Variants in MCUR1 observed in about 807,000 individuals in gnomAD.
MCUR1 encodes the protein MCU regulator 1.
Under a neutral mutation model 42.0 loss-of-function variants are expected in MCUR1, and 37 were observed. The ratio of observed to expected loss-of-function variants is 0.88; its 90% CI spans 0.68 to 1.16. The LOEUF (loss-of-function observed/expected upper bound fraction) is 1.16. MCUR1 is among the 50% of genes most tolerant of loss of function. The probability of loss-of-function intolerance (pLI) is 0.00; values close to 1 mark genes in which losing one functional copy is unlikely to be tolerated. For synonymous variants in MCUR1, 229 were observed against 196.2 expected (o/e 1.17, Z -1.40); for missense variants, 469 against 468.4 (o/e 1.00, Z -0.01).
At chr6:13,809,083 C>T (rs1760173865) in intron 1 of MCUR1, among the ~76,000 whole-genome samples, 1 of 152,072 alleles carries the variant, frequency 6.6e-6, no homozygotes, top group Non-Finnish European at 1.5e-5. Context: ...GATTGTTTAG[C>T]TATTCTTGTT....
At chr6:13,812,577 C>T (rs1199173891) in intron 1 of MCUR1, among the ~76,000 whole-genome samples, 2 of 152,162 alleles carry the variant, frequency 1.3e-5, no homozygotes, top group Non-Finnish European at 2.9e-5. Context: ...AACTCATCTC[C>T]GACTCCTAAT....
chr6:13,789,886 T>C lies in MCUR1; in HGVS notation c.*923A>G, dbSNP rs1759690849. ...GTAAGAGTCCCCATTACAATTGCAATGCTTCTTTAGACAGCTGATTTTTCT... is the reference window on the plus strand; with the variant it reads ...GTAAGAGTCCCCATTACAATTGCAACGCTTCTTTAGACAGCTGATTTTTCT... On this transcript the variant is annotated 3_prime_UTR_variant, in exon 9 of 9. Coordinates refer to ENST00000379170, the MANE Select transcript of MCUR1 (RefSeq NM_001031713.4). The C allele has an allele frequency of 6.6e-6, 1 of 152,166 alleles. No individual in the cohort carries two copies. The highest frequency in any genetic ancestry group is 1.5e-5 in the Non-Finnish European group (1 of 68,038). 9.4% of individuals were successfully genotyped at this position (152,166 alleles called of 1,614,324 possible).
At chr6:13,803,357 G>C (rs1760035848) in intron 2 of MCUR1, among the ~76,000 whole-genome samples, 1 of 152,120 alleles carries the variant, frequency 6.6e-6, no homozygotes, top group Non-Finnish European at 1.5e-5. Context: ...CACCACGCCT[G>C]GCCAGTACTT....
chr6:13,800,062 C>CCA (rs1373488029), intron 5 of MCUR1, among the ~76,000 whole-genome samples: 2 of 151,766 alleles, frequency 1.3e-5, no homozygotes, highest in East Asian at 1.9e-4. Context: ...AACTCCTGAC[C>CCA]TCAGGTGATC....
chr6:13,807,090 C>G (rs752838103), intron 1 of MCUR1, 46 bp from the exon 2 acceptor site: 2 of 1,551,472 alleles, frequency 1.3e-6, no homozygotes, highest in Non-Finnish European at 1.7e-6. Context: ...TCATGCAAAA[C>G]AAAAGCAACT....
intron 1 of MCUR1, among the ~76,000 whole-genome samples, chr6:13,811,355 G>C (rs899677364): frequency 6.6e-6 from 1 of 151,522 alleles, no homozygotes; most frequent in South Asian, 2.1e-4. Context: ...TTTTTTTTTG[G>C]TAATTGAACT....
rs1306248347 is a variant in MCUR1, at chr6:13,814,146, G to T, written c.284C>A (p.Ser95Ter). The T allele has an allele frequency of 1.5e-5, 19 of 1,307,746 alleles. No homozygotes were observed. The highest frequency in any genetic ancestry group is 1.7e-5 in the Non-Finnish European group (18 of 1,034,310). 81.0% of individuals were successfully genotyped at this position (1,307,746 alleles called of 1,614,324 possible). ...CGGGGGTGCGGCATACCCGAGGCGC[G>T]AGCGCTCCCAGTCCCCGAGCTGCCG... ...PRRQLGDWER[S>*]RLGYAAPPAG... Residue 95 changes from serine (S) to a stop codon, truncating the protein, a stop_gained, in exon 1 of 9, where the codon TCG becomes TAG. Transcript: ENST00000379170. LOFTEE classifies it high-confidence loss of function.
intron 3 of MCUR1, 21 bp downstream of exon 3, chr6:13,802,222 A>G (rs1760005368): frequency 6.2e-7 from 1 of 1,603,232 alleles, no homozygotes; most frequent in Non-Finnish European, 8.5e-7. Flanking sequence ...CTAATTTGCT[A>G]AACCACCCAA....
intron 1 of MCUR1, among the ~76,000 whole-genome samples, chr6:13,810,890 A>T (rs1204150573): frequency 1.3e-5 from 2 of 152,248 alleles, no homozygotes. Context: ...CTATGACAGG[A>T]GGTCCTTGAC....
chr6:13,803,789 G>C, intron 2 of MCUR1: 9 of 985,264 alleles, frequency 9.1e-6, no homozygotes, highest in Non-Finnish European at 9.6e-6. Context: ...TGTCTTCCTA[G>C]TTTTTAAAAA....
Position 13,802,309 on chromosome 6 carries a change from T to C in MCUR1, c.573A>G (p.Ala191=). The C allele has an allele frequency of 6.2e-7, 1 of 1,613,854 alleles. No homozygotes were observed. The highest frequency in any genetic ancestry group is 8.5e-7 in the Non-Finnish European group (1 of 1,179,830). The part of the protein sequence containing the change: ...ATQQAEIIVS[A]LVKILEANMD... ...TGTTGGCCTCCAGGATCTTGACCAA[T>C]GCAGACACAATGATTTCTGCTTGTT... is the stretch of plus-strand genomic sequence containing the variant. Residue 191 remains alanine, a synonymous_variant, in exon 3 of 9, where the codon GCA becomes GCG. Coordinates refer to ENST00000379170, the MANE Select transcript of MCUR1 (RefSeq NM_001031713.4).
rs1207380036 is a variant in MCUR1 at position 13,789,442 on chromosome 6, CCA to C, written c.*1365_*1366del. 1 of 151,802 alleles carries C rather than the reference CCA, an allele frequency of 6.6e-6. No individual in the cohort carries two copies. Among genetic ancestry groups the C allele is most frequent in the African/African-American group, 2.4e-5 (1 of 41,344 alleles). 9.4% of individuals were successfully genotyped at this position (151,802 alleles called of 1,614,324 possible). Reference sequence around the variant, plus strand: ...GAGAATGTGCTTTTCCAGAATAACCCCAGTTGTATCTAGAATTTGTTTTCAAT... The same window carrying C: ...GAGAATGTGCTTTTCCAGAATAACCCGTTGTATCTAGAATTTGTTTTCAAT... On this transcript the variant is annotated 3_prime_UTR_variant, in exon 9 of 9. Coordinates refer to ENST00000379170, the MANE Select transcript of MCUR1 (RefSeq NM_001031713.4).
chr6:13,813,085 T>C (rs1219898637), intron 1 of MCUR1, among the ~76,000 whole-genome samples: 1 of 152,226 alleles, frequency 6.6e-6, no homozygotes, highest in Non-Finnish European at 1.5e-5. Flanking sequence ...TAGTATTCAG[T>C]ACGGTAACAT....
chr6:13,802,356 C>G lies in MCUR1; in HGVS notation c.536-10G>C. On this transcript the variant is annotated splice_polypyrimidine_tract_variant and intron_variant, in intron 2 of 8. Transcript: ENST00000379170. ...TGTTGAGTAGCAAACCCTAAGCAAG[C>G]ACACAAGCAAAAAAAATCATGCTCA... 1 of 1,606,826 alleles carries G rather than the reference C, an allele frequency of 6.2e-7. No homozygotes were observed. Among genetic ancestry groups the G allele is most frequent in the Non-Finnish European group, 8.5e-7 (1 of 1,175,310 alleles).
Position 13,791,978 on chromosome 6 carries a change from A to T in MCUR1, c.924T>A (p.Asp308Glu). 6.2e-7 allele frequency: 1 copy of T among 1,613,904 alleles called. No individual in the cohort carries two copies. Among genetic ancestry groups the T allele is most frequent in the Non-Finnish European group, 8.5e-7 (1 of 1,179,872 alleles). Residue 308 changes from aspartate to glutamate, a missense_variant, in exon 8 of 9, where the codon GAT (aspartate) becomes GAA (glutamate). Physicochemically the swap from Asp to Glu is conservative, Grantham distance 45. Transcript: ENST00000379170. ...TCCTGTCTGTCTGGGTAAGGGCCCG[A>T]TCTTGCTGGGCATGCTTTTAAAATG... Reference protein sequence around the residue: ...TEIVALHAQQDRALTQTDRKI... With the variant: ...TEIVALHAQQERALTQTDRKI...
At chr6:13,799,924 T>C (rs1759952556) in intron 5 of MCUR1, among the ~76,000 whole-genome samples, 1 of 148,980 alleles carries the variant, frequency 6.7e-6, no homozygotes, top group South Asian at 2.2e-4. Context: ...CTCTGCTTCC[T>C]GGGTTCAAGT....
intron 2 of MCUR1, among the ~76,000 whole-genome samples, chr6:13,806,349 A>G (rs1310119394): frequency 1.3e-5 from 2 of 152,384 alleles, no homozygotes; most frequent in Non-Finnish European, 2.9e-5. Flanking sequence ...AGGATTTTAA[A>G]AAGCACACAA....
chr6:13,789,115 A>T lies in MCUR1; in HGVS notation c.*1694T>A, dbSNP rs895271076. ...ATGTGCCAGTAATTTGAATAAGATG[A>T]GAATGGGCCAGGCGCAGCGGCTCAC... is the stretch of plus-strand genomic sequence containing the variant. On this transcript the variant is annotated 3_prime_UTR_variant, in exon 9 of 9. Coordinates refer to ENST00000379170, the MANE Select transcript of MCUR1 (RefSeq NM_001031713.4). The T allele has an allele frequency of 6.6e-6, 1 of 152,242 alleles. No individual in the cohort carries two copies. Among genetic ancestry groups the T allele is most frequent in the Non-Finnish European group, 1.5e-5 (1 of 68,064 alleles). The allele number at this position is 152,242 out of a possible 1,614,324, so 9.4% of individuals were successfully genotyped here. A position where few individuals can be genotyped will look rare whatever the true frequency, so the allele number is the denominator to read the frequency against.
chr6:13,811,413 T>C (rs1760232012), intron 1 of MCUR1, among the ~76,000 whole-genome samples: 1 of 152,172 alleles, frequency 6.6e-6, no homozygotes, highest in African/African-American at 2.4e-5. Flanking sequence ...GAGGGAAAAT[T>C]TGAGATGAAT....
Sources: allele counts gnomAD v4.1 joint callset (sites outside exome capture counted in the v4.1 genomes callset), GRCh38; gene constraint gnomAD v4.1.1; transcripts MANE v1.5; gene names NCBI Gene and HGNC (gene_info 2026-07-23, HGNC 2026-07-21).